Variants in NLRP5 observed in about 807,000 individuals in gnomAD.
The protein encoded by NLRP5 is NACHT, LRR and PYD domains-containing protein 5.
NLRP5 carries 93 observed loss-of-function variants against 113.1 expected under a neutral mutation model. That is an observed-to-expected ratio of 0.82 (90% CI 0.70 to 0.98). The LOEUF (loss-of-function observed/expected upper bound fraction) is 0.98, where lower values mean the gene tolerates loss of function less well. Ranked by LOEUF, NLRP5 falls within the 50% of genes least tolerant of loss-of-function variation. NLRP5 has a pLI of 0.00. For synonymous variants in NLRP5, 751 were observed against 600.7 expected (o/e 1.25, Z -3.66); for missense variants, 1,808 against 1,514.3 (o/e 1.19, Z -3.22).
rs374133315 is a variant in NLRP5 at position 56,011,384 on chromosome 19, G to A, written c.508+2531G>A. 1.2e-4 allele frequency among the ~76,000 whole-genome samples: 18 copies of A among 152,124 alleles called. No homozygotes were observed. In the South Asian group the frequency reaches 3.1e-3, roughly 26 times the overall value. On this transcript the variant is annotated intron_variant, in intron 3 of 14. Coordinates refer to ENST00000390649, the MANE Select transcript of NLRP5 (RefSeq NM_153447.4). Reference sequence around the variant, plus strand: ...GGACTAAGAGGGCAGGGTTTTTCTCGTTGAGGGTGATTAAGATGTTCTAAA... The same window carrying A: ...GGACTAAGAGGGCAGGGTTTTTCTCATTGAGGGTGATTAAGATGTTCTAAA...
chr19:56,030,528 C>A (rs1308545125), intron 7 of NLRP5, among the ~76,000 whole-genome samples: 4 of 152,014 alleles, frequency 2.6e-5, no homozygotes, highest in African/African-American at 9.7e-5. Context: ...AACAGCTTGC[C>A]CGTTACTTTG....
intron 3 of NLRP5, among the ~76,000 whole-genome samples, chr19:56,013,820 G>C (rs1599883057): frequency 6.6e-6 from 1 of 151,982 alleles, no homozygotes; most frequent in Non-Finnish European, 1.5e-5. Context: ...GAAAGCTACA[G>C]TAACGTTTGC....
Position 56,032,648 on chromosome 19 carries a change from G to A in NLRP5, c.2314G>A (p.Asp772Asn), listed in dbSNP as rs773476741. Residue 772 changes from aspartate to asparagine, a missense_variant, in exon 8 of 15, where the codon GAT becomes AAT. Transcript: ENST00000390649. ...GACCCTCATTGAGGAGCAGTGGGAA[G>A]ATTTCTGCTCCATGCTTGGCACCCA... 1.2e-6 allele frequency: 2 copies of A among 1,613,786 alleles called. No homozygotes were observed. Among genetic ancestry groups the A allele is most frequent in the African/African-American group, 1.3e-5 (1 of 75,040 alleles).
intron 11 of NLRP5, among the ~76,000 whole-genome samples, chr19:56,046,508 C>G (rs1192818438): frequency 1.3e-5 from 2 of 150,994 alleles, no homozygotes; most frequent in African/African-American, 4.9e-5. Flanking sequence ...CTTTCTCTAT[C>G]TTGTGGAATA....
intron 11 of NLRP5, among the ~76,000 whole-genome samples, chr19:56,043,452 T>C (rs543100704): frequency 1.3e-5 from 2 of 152,070 alleles, no homozygotes; most frequent in Admixed American, 1.3e-4. Context: ...GGATTGTTTT[T>C]TCTTGGATTT....
At chr19:55,995,334 T>C (rs1046817097), upstream of NLRP5, among the ~76,000 whole-genome samples, 1 of 152,194 alleles carries the variant, frequency 6.6e-6, no homozygotes, top group African/African-American at 2.4e-5. Context: ...GTTGTGCACA[T>C]GTACCCTAGA....
chr19:56,000,369 TTG>T (rs908133955), intron 1 of NLRP5, among the ~76,000 whole-genome samples: 13 of 152,066 alleles, frequency 8.5e-5, no homozygotes, highest in African/African-American at 2.9e-4. Context: ...ATGTTTTTTT[TTG>T]TTTGTTTTTT....
chr19:56,052,695 C>A (rs1341405704), intron 12 of NLRP5, among the ~76,000 whole-genome samples: 2 of 152,220 alleles, frequency 1.3e-5, no homozygotes, highest in African/African-American at 4.8e-5. Flanking sequence ...GTCATTTCTC[C>A]TGCGATAAAC....
chr19:55,987,991 C>T, the NLRP5 span: 1 of 1,075,658 alleles, frequency 9.3e-7, no homozygotes. Flanking sequence ...GCGTTATCAT[C>T]CTGTATGCAT....
chr19:56,035,732 G>T (rs1300082520), intron 9 of NLRP5, among the ~76,000 whole-genome samples: 3 of 152,116 alleles, frequency 2.0e-5, no homozygotes, highest in Non-Finnish European at 2.9e-5. Context: ...ACCTAGAACT[G>T]CTCTTTTCCT....
At chr19:55,998,692 A>ATATATATATGTGTG (rs1981444303), upstream of NLRP5, among the ~76,000 whole-genome samples, 10 of 51,534 alleles carry the variant, frequency 1.9e-4, 1 homozygote. Context: ...ATATATATAT[A>ATATATATATGTGTG]TATATATATA....
chr19:56,027,196 T>C lies in NLRP5; in HGVS notation c.963T>C (p.Val321=), dbSNP rs776416852. Reference sequence around the variant, plus strand: ...TCTCCTACGTCTTCTTCCTCCCCGTTAGAGAGATGCAGCGGAAGAAGGAGA... The same window carrying C: ...TCTCCTACGTCTTCTTCCTCCCCGTCAGAGAGATGCAGCGGAAGAAGGAGA... The change falls in exon 7 of 15, where the codon GTT becomes GTC. Residue 321 remains valine, a synonymous_variant. Coordinates refer to ENST00000390649, the MANE Select transcript of NLRP5 (RefSeq NM_153447.4). 4.3e-6 allele frequency: 7 copies of C among 1,610,870 alleles called. No individual in the cohort carries two copies. In the South Asian group the frequency reaches 7.8e-5, roughly 18 times the overall value.
intron 3 of NLRP5, among the ~76,000 whole-genome samples, chr19:56,009,544 A>G (rs1340036200): frequency 1.3e-5 from 2 of 152,094 alleles, no homozygotes; most frequent in Non-Finnish European, 2.9e-5. Flanking sequence ...CACTGACCTC[A>G]TGCCAGCCAC....
At position 56,027,869 on chromosome 19, in the gene NLRP5, T is replaced by C; in HGVS notation, c.1636T>C (p.Phe546Leu). 1 of 1,613,942 alleles carries C rather than the reference T, an allele frequency of 6.2e-7. No homozygotes were observed. Among genetic ancestry groups the C allele is most frequent in the South Asian group, 1.1e-5 (1 of 91,066 alleles). The change falls in exon 7 of 15, where the codon TTT (phenylalanine) becomes CTT (leucine). Residue 546 changes from phenylalanine (F) to leucine (L), a missense_variant. Transcript: ENST00000390649. ...GGGAGTGTGGAATAGGAAGTCAGTG[T>C]TTGACGGTGACGACCTCATGGTTCA...
intron 13 of NLRP5, among the ~76,000 whole-genome samples, 174 bp downstream of exon 13, chr19:56,053,982 A>G (rs1300289545): frequency 2.0e-5 from 3 of 152,132 alleles, no homozygotes; most frequent in Non-Finnish European, 2.9e-5. Context: ...CTCGGCTCCT[A>G]TGGATGAGAC....
At chr19:56,034,734 T>G (rs1983249633) in intron 9 of NLRP5, among the ~76,000 whole-genome samples, 1 of 152,194 alleles carries the variant, frequency 6.6e-6, no homozygotes, top group Admixed American at 6.5e-5. Flanking sequence ...CAGTCAAGTG[T>G]TACACACTTT....
At position 56,027,788 on chromosome 19, in the gene NLRP5, T is replaced by C. The variant is rs200560950; in HGVS notation, c.1555T>C (p.Cys519Arg). 1.6e-4 allele frequency: 260 copies of C among 1,613,998 alleles called. 2 individuals are homozygous for C. In the African/African-American group the frequency reaches 2.1e-3, roughly 13 times the overall value. The change falls in exon 7 of 15, where the codon TGT (cysteine) becomes CGT (arginine). Residue 519 changes from cysteine (C) to arginine (R), a missense_variant. Coordinates refer to ENST00000390649, the MANE Select transcript of NLRP5 (RefSeq NM_153447.4). ...CACCCCTCGAGGCGTGGTCCGGCGC[T>C]GTCTCAATCTGGAGGAAAGAGTTGT... is the stretch of plus-strand genomic sequence containing the variant.
chr19:56,025,669 C>A (rs1476703349), intron 6 of NLRP5, among the ~76,000 whole-genome samples: 1 of 152,050 alleles, frequency 6.6e-6, no homozygotes, highest in Non-Finnish European at 1.5e-5. Context: ...CTCAGCCTCC[C>A]AAAGTGCTGG....
intron 2 of NLRP5, among the ~76,000 whole-genome samples, chr19:56,008,150 G>A (rs1190799563): frequency 6.6e-6 from 1 of 151,358 alleles, no homozygotes; most frequent in Non-Finnish European, 1.5e-5. Flanking sequence ...GGATGGTCTC[G>A]ATCTCCTGAC....
Sources: gnomAD v4.1 joint callset for allele counts (sites outside exome capture counted in the v4.1 genomes callset) on GRCh38, gnomAD v4.1.1 for gene constraint, MANE v1.5 for transcripts, NCBI Gene and HGNC (gene_info 2026-07-23, HGNC 2026-07-21) for gene names.